The following TET1 variants were observed in gnomAD, a reference collection of about 807,000 sequenced individuals.
TET1 encodes methylcytosine dioxygenase TET1.
TET1 carries 13 observed loss-of-function variants against 148.7 expected under a neutral mutation model. The observed-to-expected ratio is 0.09, with a 90% confidence interval of 0.06 to 0.14. TET1 has a LOEUF of 0.14. TET1 is among the 10% of genes least tolerant of loss of function. The probability of loss-of-function intolerance (pLI) is 1.00; values close to 1 mark genes in which losing one functional copy is unlikely to be tolerated. For synonymous variants in TET1, 907 were observed against 937.2 expected (o/e 0.97, Z 0.59); for missense variants, 2,182 against 2,553.8 (o/e 0.85, Z 3.14).
At chr10:68,601,144 C>A in intron 3 of TET1, 110 bp downstream of exon 3, 1 of 900,696 alleles carries the variant, frequency 1.1e-6, no homozygotes. Flanking sequence ...CCCAGATTTT[C>A]AGTAGATGGA....
At chr10:68,589,238 G>A (rs1291665379) in intron 2 of TET1, among the ~76,000 whole-genome samples, 2 of 151,904 alleles carry the variant, frequency 1.3e-5, no homozygotes, top group African/African-American at 4.8e-5. Flanking sequence ...ATTCCTTCAA[G>A]CAGATGACTT....
intron 2 of TET1, among the ~76,000 whole-genome samples, chr10:68,577,786 C>T (rs1199968617): frequency 3.9e-5 from 6 of 152,206 alleles, no homozygotes; most frequent in South Asian, 4.2e-4. Context: ...CCAGCATGGG[C>T]GACAGAGCAA....
intron 3 of TET1, among the ~76,000 whole-genome samples, chr10:68,632,013 T>C (rs2054579081): frequency 6.6e-6 from 1 of 151,812 alleles, no homozygotes; most frequent in Admixed American, 6.6e-5. Flanking sequence ...TGACTTGATA[T>C]TGGCTAAACC....
At chr10:68,632,051 G>C (rs997030780) in intron 3 of TET1, among the ~76,000 whole-genome samples, 11 of 152,018 alleles carry the variant, frequency 7.2e-5, no homozygotes, top group African/African-American at 2.7e-4. Context: ...CTGGCCGGGC[G>C]TGGTGGCTCA....
At chr10:68,568,599 T>A (rs1472237242) in intron 1 of TET1, among the ~76,000 whole-genome samples, 2 of 152,170 alleles carry the variant, frequency 1.3e-5, no homozygotes, top group African/African-American at 2.4e-5. Context: ...TTGCTTTTGC[T>A]TAGAGCTTCA....
chr10:68,629,607 C>T (rs1026484656), intron 3 of TET1, among the ~76,000 whole-genome samples: 1 of 151,414 alleles, frequency 6.6e-6, no homozygotes, highest in African/African-American at 2.4e-5. Context: ...GATCTCGGCT[C>T]ACTGCAACTT....
intron 6 of TET1, among the ~76,000 whole-genome samples, chr10:68,652,953 T>G (rs567292078): frequency 1.7e-3 from 263 of 151,634 alleles, no homozygotes; most frequent in African/African-American, 6.2e-3. Flanking sequence ...TGGGCCAGAT[T>G]TTTTAATAGA....
chr10:68,593,636 A>T (rs963865462), intron 2 of TET1, among the ~76,000 whole-genome samples: 7 of 151,300 alleles, frequency 4.6e-5, no homozygotes, highest in Non-Finnish European at 8.8e-5. Context: ...TTTCAGACAG[A>T]GTTTCGCTCT....
intron 2 of TET1, among the ~76,000 whole-genome samples, chr10:68,587,355 G>C (rs1406848431): frequency 6.6e-6 from 1 of 152,160 alleles, no homozygotes; most frequent in Admixed American, 6.6e-5. Flanking sequence ...GTGGATATAG[G>C]TTAGATTTAG....
chr10:68,635,637 A>G (rs1175237199), intron 3 of TET1, among the ~76,000 whole-genome samples: 3 of 152,218 alleles, frequency 2.0e-5, no homozygotes, highest in Admixed American at 6.6e-5. Context: ...AACCTTAAGC[A>G]TGGGTGGGGG....
chr10:68,561,772 A>C (rs1303765336), intron 1 of TET1, among the ~76,000 whole-genome samples: 2 of 143,746 alleles, frequency 1.4e-5, no homozygotes, highest in Non-Finnish European at 3.0e-5. Context: ...TATATTCTAC[A>C]AGAAGTGGTC....
At chr10:68,624,679 TCTCTCTC>T (rs2054444600) in intron 3 of TET1, among the ~76,000 whole-genome samples, 2 of 134,494 alleles carry the variant, frequency 1.5e-5, no homozygotes, top group African/African-American at 5.6e-5. Context: ...TCTCTCTCTC[TCTCTCTC>T]TCTCTCTCTC....
intron 3 of TET1, among the ~76,000 whole-genome samples, chr10:68,627,982 T>TTTA (rs1443129187): frequency 2.6e-5 from 4 of 151,738 alleles, no homozygotes; most frequent in African/African-American, 9.7e-5. Context: ...CCCCCAAATA[T>TTTA]TTATTATTAT....
At chr10:68,619,485 G>A (rs1157545740) in intron 3 of TET1, among the ~76,000 whole-genome samples, 1 of 152,066 alleles carries the variant, frequency 6.6e-6, no homozygotes, top group Non-Finnish European at 1.5e-5. Flanking sequence ...AAAGTGCTGG[G>A]GTTACGGGTG....
intron 3 of TET1, among the ~76,000 whole-genome samples, chr10:68,637,066 T>C (rs1357187784): frequency 2.0e-5 from 3 of 151,942 alleles, no homozygotes; most frequent in East Asian, 3.9e-4. Flanking sequence ...TGGTGCAATT[T>C]CGGCTCACTG....
At chr10:68,596,461 AT>A (rs1271315551) in intron 2 of TET1, among the ~76,000 whole-genome samples, 1 of 151,738 alleles carries the variant, frequency 6.6e-6, no homozygotes, top group South Asian at 2.1e-4. Flanking sequence ...CTAATATTTA[AT>A]TTTTTTTGTA....
chr10:68,615,683 A>G (rs1428279743), intron 3 of TET1, among the ~76,000 whole-genome samples: 2 of 148,480 alleles, frequency 1.3e-5, no homozygotes, highest in East Asian at 4.0e-4. Flanking sequence ...TTTGAGACAG[A>G]GTTTCACTCT....
intron 4 of TET1, among the ~76,000 whole-genome samples, chr10:68,650,766 C>T (rs1187885707): frequency 6.6e-6 from 1 of 152,106 alleles, no homozygotes; most frequent in African/African-American, 2.4e-5. Flanking sequence ...CAGAAATTCC[C>T]CAGTAATTCT....
chr10:68,618,514 A>G (rs1243998373), intron 3 of TET1, among the ~76,000 whole-genome samples: 1 of 152,204 alleles, frequency 6.6e-6, no homozygotes, highest in Non-Finnish European at 1.5e-5. Context: ...GAGATAAAGT[A>G]AAATAGAAGA....
Sources: allele counts gnomAD v4.1 joint callset (sites outside exome capture counted in the v4.1 genomes callset), GRCh38; gene constraint gnomAD v4.1.1; transcripts MANE v1.5; gene names NCBI Gene and HGNC (gene_info 2026-07-23, HGNC 2026-07-21).